CNTN6: variants seen among roughly 807,000 people sequenced by gnomAD.
CNTN6 encodes contactin 6, also known as contactin-6.
CNTN6 carries 137 observed loss-of-function variants against 122.8 expected under a neutral mutation model. The ratio of observed to expected loss-of-function variants is 1.12; its 90% CI spans 0.97 to 1.29. The LOEUF (loss-of-function observed/expected upper bound fraction) is 1.29, where lower values mean the gene tolerates loss of function less well. Among genes scored for constraint, CNTN6 ranks in the 50% most tolerant of loss-of-function variants. The pLI is 0.00. For missense variants in CNTN6, 1,634 were observed against 1,223.4 expected (o/e 1.34, Z -5.01); for synonymous variants, 570 against 426.0 (o/e 1.34, Z -4.16).
chr3:1,158,470 C>A (rs946441590), intron 2 of CNTN6, among the ~76,000 whole-genome samples: 8 of 152,060 alleles, frequency 5.3e-5, no homozygotes, highest in African/African-American at 1.9e-4. Flanking sequence ...ATACTTCCTT[C>A]CATTCTGTTG....
rs112367697 is a variant in CNTN6, at chr3:1,155,869, T to C, written c.55+7806T>C. ...GCATCCTCTGTGTCCTTTCCAAGACTTAGCTTATTGACACAGATGCCTATG... is the reference window on the plus strand; with the variant it reads ...GCATCCTCTGTGTCCTTTCCAAGACCTAGCTTATTGACACAGATGCCTATG... On this transcript the variant is annotated intron_variant, in intron 2 of 22. Transcript: ENST00000446702. Among the ~76,000 whole-genome samples, 922 of 152,342 alleles carry C rather than the reference T, an allele frequency of 6.1e-3. 19 individuals are homozygous for C. The highest frequency in any genetic ancestry group is 0.021 in the African/African-American group (866 of 41,588).
rs562174047 is a variant in CNTN6 at position 1,205,068 on chromosome 3, A to G, written c.56-15619A>G. 2.0e-5 allele frequency among the ~76,000 whole-genome samples: 3 copies of G among 152,294 alleles called. No individual in the cohort carries two copies. In the East Asian group the frequency reaches 5.8e-4, roughly 29 times the overall value. On this transcript the variant is annotated intron_variant, in intron 2 of 22. Transcript: ENST00000446702. ...AAAAGGGCCAGAGGAAAATGTAACT[A>G]TGGAGGAATAGTAGAGTAATTTAAT...
At chr3:1,123,468 A>G (rs1377818902) in intron 1 of CNTN6, among the ~76,000 whole-genome samples, 1 of 150,066 alleles carries the variant, frequency 6.7e-6, no homozygotes, top group Non-Finnish European at 1.5e-5. Flanking sequence ...ATATAGGAAC[A>G]TAACTAATTT....
chr3:1,383,457 C>G, intron 19 of CNTN6, 49 bp downstream of exon 19: 2 of 1,352,462 alleles, frequency 1.5e-6, no homozygotes, highest in Non-Finnish European at 2.1e-6. Flanking sequence ...CAATGGACTT[C>G]GCAATAGCTC....
intron 2 of CNTN6, among the ~76,000 whole-genome samples, chr3:1,206,029 A>G (rs1235459102): frequency 6.6e-6 from 1 of 152,126 alleles, no homozygotes; most frequent in Non-Finnish European, 1.5e-5. Context: ...CATTGTTGCA[A>G]AGTAGTTAAG....
chr3:1,190,886 A>G (rs1454467920), intron 2 of CNTN6, among the ~76,000 whole-genome samples: 2 of 152,146 alleles, frequency 1.3e-5, no homozygotes, highest in African/African-American at 4.8e-5. Flanking sequence ...TACATGTTAC[A>G]TAAGTCCAAA....
chr3:1,306,674 T>C (rs532133023), intron 7 of CNTN6, among the ~76,000 whole-genome samples: 2 of 152,244 alleles, frequency 1.3e-5, no homozygotes, highest in East Asian at 1.9e-4. Context: ...TACAGCAGAA[T>C]GTTTGTAAGG....
At chr3:1,153,073 A>G (rs1437179159) in intron 2 of CNTN6, among the ~76,000 whole-genome samples, 1 of 152,242 alleles carries the variant, frequency 6.6e-6, no homozygotes, top group Non-Finnish European at 1.5e-5. Context: ...TCATAAATAT[A>G]ACCACTTTTT....
chr3:1,319,833 G>GAAAATAAAAATAAAAT (rs1553682014), intron 7 of CNTN6, among the ~76,000 whole-genome samples: 1 of 136,022 alleles, frequency 7.4e-6, no homozygotes, highest in African/African-American at 2.8e-5. Context: ...ACAGAGAGCA[G>GAAAATAAAAATAAAAT]AAAATAAAAT....
chr3:1,402,619 G>A (rs959797534), intron 22 of CNTN6, 133 bp downstream of exon 22: 4 of 670,988 alleles, frequency 6.0e-6, no homozygotes, highest in African/African-American at 1.8e-5. Flanking sequence ...TGAGCAAAAG[G>A]TGATGAGCCA....
chr3:1,124,205 A>G (rs910965888), intron 1 of CNTN6, among the ~76,000 whole-genome samples: 3 of 151,958 alleles, frequency 2.0e-5, no homozygotes, highest in Admixed American at 6.6e-5. Context: ...GTTCTACAAC[A>G]GAGAGGAAAG....
Position 1,182,666 on chromosome 3 carries a change from A to G in CNTN6, c.55+34603A>G, listed in dbSNP as rs921046053. Among the ~76,000 whole-genome samples, 4 of 151,972 alleles carry G rather than the reference A, an allele frequency of 2.6e-5. No homozygotes were observed. In the East Asian group the frequency reaches 7.7e-4, roughly 29 times the overall value. ...ATATACAAAGTACGCCTATAGTTAT[A>G]CCATGTATCACACATTTCATATGAG... On this transcript the variant is annotated intron_variant, in intron 2 of 22. Coordinates refer to ENST00000446702, the MANE Select transcript of CNTN6 (RefSeq NM_001289080.2).
At chr3:1,153,253 T>A (rs1366736788) in intron 2 of CNTN6, among the ~76,000 whole-genome samples, 1 of 152,192 alleles carries the variant, frequency 6.6e-6, no homozygotes, top group African/African-American at 2.4e-5. Flanking sequence ...ATAGAGCTAG[T>A]CACATGTATT....
intron 11 of CNTN6, among the ~76,000 whole-genome samples, chr3:1,336,266 G>A (rs1703050887): frequency 6.6e-6 from 1 of 151,742 alleles, no homozygotes; most frequent in Admixed American, 6.6e-5. Flanking sequence ...GCTAGATGGT[G>A]TACCAGGCAC....
chr3:1,281,632 T>G (rs1693461704), intron 5 of CNTN6, among the ~76,000 whole-genome samples: 1 of 152,062 alleles, frequency 6.6e-6, no homozygotes, highest in South Asian at 2.1e-4. Context: ...GAACACCTAA[T>G]TTTTGTATTT....
At chr3:1,260,979 G>GA (rs1207213843) in intron 4 of CNTN6, among the ~76,000 whole-genome samples, 3 of 151,846 alleles carry the variant, frequency 2.0e-5, no homozygotes, top group Non-Finnish European at 4.4e-5. Flanking sequence ...CCTTTTTGAA[G>GA]AAAAAATTAA....
chr3:1,297,487 G>T (rs574766113), intron 6 of CNTN6, among the ~76,000 whole-genome samples: 4 of 152,058 alleles, frequency 2.6e-5, no homozygotes, highest in Non-Finnish European at 5.9e-5. Context: ...AAACCTTATT[G>T]TACTAATATG....
At chr3:1,246,411 G>T (rs1279283948) in intron 4 of CNTN6, among the ~76,000 whole-genome samples, 6 of 152,142 alleles carry the variant, frequency 3.9e-5, no homozygotes, top group South Asian at 2.1e-4. Context: ...ATATTTTATT[G>T]TATGAATATA....
chr3:1,096,809 G>A (rs966092190), intron 1 of CNTN6, among the ~76,000 whole-genome samples: 1 of 152,298 alleles, frequency 6.6e-6, no homozygotes, highest in South Asian at 2.1e-4. Context: ...TTTGGCTACA[G>A]TGGAAATGGG....
Sources: allele counts gnomAD v4.1 joint callset (sites outside exome capture counted in the v4.1 genomes callset), GRCh38; gene constraint gnomAD v4.1.1; transcripts MANE v1.5; gene names NCBI Gene and HGNC (gene_info 2026-07-23, HGNC 2026-07-21).